HS3ST4: variants seen among roughly 807,000 people sequenced by gnomAD.
HS3ST4 encodes heparan sulfate glucosamine 3-O-sulfotransferase 4.
Under a neutral mutation model 29.2 loss-of-function variants are expected in HS3ST4, and 17 were observed. That is an observed-to-expected ratio of 0.58 (90% CI 0.40 to 0.87). HS3ST4 has a LOEUF of 0.87. HS3ST4 is among the 40% of genes least tolerant of loss of function. HS3ST4 has a pLI of 0.00. For missense variants in HS3ST4, 627 were observed against 634.5 expected (o/e 0.99, Z 0.13); for synonymous variants, 314 against 285.7 (o/e 1.10, Z -1.00).
At chr16:25,792,478 T>C (rs1441298571) in intron 1 of HS3ST4, among the ~76,000 whole-genome samples, 2 of 152,000 alleles carry the variant, frequency 1.3e-5, no homozygotes, top group Non-Finnish European at 2.9e-5. Flanking sequence ...TAATTTCCCT[T>C]ATTTATAGAG....
At chr16:25,748,252 C>T (rs887702732) in intron 1 of HS3ST4, among the ~76,000 whole-genome samples, 1 of 152,060 alleles carries the variant, frequency 6.6e-6, no homozygotes, top group Non-Finnish European at 1.5e-5. Flanking sequence ...CCGCTCCCCT[C>T]CCCCCCTTTA....
intron 1 of HS3ST4, among the ~76,000 whole-genome samples, chr16:25,705,713 G>A (rs1173688122): frequency 1.3e-5 from 2 of 152,086 alleles, no homozygotes; most frequent in Admixed American, 1.3e-4. Flanking sequence ...AAAGGAAGCT[G>A]AAGGTGGAAT....
At chr16:25,910,443 C>A (rs139201375) in intron 1 of HS3ST4, among the ~76,000 whole-genome samples, 1 of 152,042 alleles carries the variant, frequency 6.6e-6, no homozygotes, top group Admixed American at 6.5e-5. Context: ...GAGTTTGAGA[C>A]CAACCTGGCC....
At chr16:26,066,742 T>G (rs892691469) in intron 1 of HS3ST4, among the ~76,000 whole-genome samples, 4 of 152,238 alleles carry the variant, frequency 2.6e-5, no homozygotes, top group African/African-American at 9.6e-5. Flanking sequence ...TGCCTAATTG[T>G]CACCACAGAA....
At chr16:25,754,662 C>T (rs1266787321) in intron 1 of HS3ST4, among the ~76,000 whole-genome samples, 1 of 152,030 alleles carries the variant, frequency 6.6e-6, no homozygotes, top group Non-Finnish European at 1.5e-5. Context: ...AATAAGTGCC[C>T]AGTGAAGGGG....
chr16:25,793,818 A>G (rs893401056), intron 1 of HS3ST4, among the ~76,000 whole-genome samples: 1 of 151,822 alleles, frequency 6.6e-6, no homozygotes, highest in African/African-American at 2.4e-5. Context: ...TTACCTTTTT[A>G]CAGTTTTGTA....
chr16:25,865,353 G>A (rs1004203567), intron 1 of HS3ST4, among the ~76,000 whole-genome samples: 1 of 152,128 alleles, frequency 6.6e-6, no homozygotes, highest in South Asian at 2.1e-4. Flanking sequence ...ACTCTGACAG[G>A]TGTGAGGTGG....
chr16:25,926,072 T>C (rs1014120265), intron 1 of HS3ST4, among the ~76,000 whole-genome samples: 1 of 152,170 alleles, frequency 6.6e-6, no homozygotes, highest in Non-Finnish European at 1.5e-5. Context: ...AAGGTTATGA[T>C]TTATATGTCA....
At chr16:25,916,012 A>T (rs1216441531) in intron 1 of HS3ST4, among the ~76,000 whole-genome samples, 15 of 152,340 alleles carry the variant, frequency 9.8e-5, no homozygotes, top group Admixed American at 9.8e-4. Flanking sequence ...TAGAGTAAAC[A>T]TCATAGTGGT....
In HS3ST4 at chr16:25,877,307, G is replaced by A. The variant is rs576992757; in HGVS notation, c.734+184156G>A. On this transcript the variant is annotated intron_variant, in intron 1 of 1. Transcript: ENST00000331351. ...TAAAATTAAGATGATGTCATAATGAGTTAGATTTGCCCCTAAGTCCAATGA... is the reference window on the plus strand; with the variant it reads ...TAAAATTAAGATGATGTCATAATGAATTAGATTTGCCCCTAAGTCCAATGA... Among the ~76,000 whole-genome samples, 7 of 152,192 alleles carry A rather than the reference G, an allele frequency of 4.6e-5. 1 individual carries two copies. In the South Asian group the frequency reaches 1.5e-3, roughly 32 times the overall value.
chr16:26,135,838 C>G lies in HS3ST4; in HGVS notation c.961C>G (p.Leu321Val), dbSNP rs750934924. Residue 321 changes from leucine (L) to valine (V), a missense_variant, in exon 2 of 2, where the codon CTC (leucine) becomes GTC (valine). Around this residue, in one of 2 missense-constraint regions of HS3ST4, gnomAD observed 225 missense variants for 293.7 expected, o/e 0.77. Transcript: ENST00000331351. ...FEVLAFKNRT[L>V]GLIDASWSAI... ...GGTGCTGGCCTTCAAAAACCGGACC[C>G]TCGGGCTGATCGATGCTTCCTGGAG... 6.2e-7 allele frequency: 1 copy of G among 1,614,026 alleles called. No homozygotes were observed. The highest frequency in any genetic ancestry group is 8.5e-7 in the Non-Finnish European group (1 of 1,179,884).
intron 1 of HS3ST4, among the ~76,000 whole-genome samples, chr16:26,006,739 G>A (rs1285248713): frequency 6.6e-6 from 1 of 152,320 alleles, no homozygotes; most frequent in East Asian, 1.9e-4. Flanking sequence ...ATCTACAGGA[G>A]TAATTGGAGA....
At chr16:25,861,830 C>G (rs1049783508) in intron 1 of HS3ST4, among the ~76,000 whole-genome samples, 3 of 152,214 alleles carry the variant, frequency 2.0e-5, no homozygotes, top group Admixed American at 2.0e-4. Flanking sequence ...TTTACATGAG[C>G]AAAGTTATAC....
chr16:26,130,245 G>A (rs1184691972), intron 1 of HS3ST4, among the ~76,000 whole-genome samples: 1 of 152,184 alleles, frequency 6.6e-6, no homozygotes, highest in Non-Finnish European at 1.5e-5. Flanking sequence ...AACGAGCTGT[G>A]CCAAGCCCAG....
At chr16:25,776,099 G>T (rs962036551) in intron 1 of HS3ST4, among the ~76,000 whole-genome samples, 3 of 152,106 alleles carry the variant, frequency 2.0e-5, no homozygotes, top group Admixed American at 2.0e-4. Context: ...ACTGATGGCT[G>T]GTTCCTCCTC....
intron 1 of HS3ST4, among the ~76,000 whole-genome samples, chr16:25,925,266 A>C (rs2141684723): frequency 6.6e-6 from 1 of 151,770 alleles, no homozygotes. Flanking sequence ...CCAGGGATCA[A>C]ATCATCATCA....
At chr16:25,777,414 TGTGTGTG>T (rs1231086416) in intron 1 of HS3ST4, among the ~76,000 whole-genome samples, 2 of 44,564 alleles carry the variant, frequency 4.5e-5, no homozygotes, top group Non-Finnish European at 8.1e-5. Context: ...CACACCAAAG[TGTGTGTG>T]TGTGTGTGTG....
At chr16:25,749,060 G>A (rs1027380890) in intron 1 of HS3ST4, among the ~76,000 whole-genome samples, 2 of 152,088 alleles carry the variant, frequency 1.3e-5, no homozygotes, top group African/African-American at 4.8e-5. Context: ...TATTTCCCAA[G>A]TGTGTGTCTA....
intron 1 of HS3ST4, among the ~76,000 whole-genome samples, chr16:26,039,586 T>C (rs1247788491): frequency 4.6e-5 from 7 of 152,162 alleles, no homozygotes; most frequent in African/African-American, 1.7e-4. Context: ...ATCCTTTGTG[T>C]TACAAACAAT....
Sources: allele counts gnomAD v4.1 joint callset (sites outside exome capture counted in the v4.1 genomes callset), GRCh38; gene constraint gnomAD v4.1.1; regional missense constraint gnomAD v4.1.1; transcripts MANE v1.5; gene names NCBI Gene and HGNC (gene_info 2026-07-23, HGNC 2026-07-21).